Variants in COMMD10 observed in about 807,000 individuals in gnomAD.
The protein encoded by COMMD10 is COMM domain-containing protein 10.
In COMMD10, 33 loss-of-function variants were observed where a neutral mutation model predicts 28.9. That is an observed-to-expected ratio of 1.14 (90% CI 0.87 to 1.53). The LOEUF (loss-of-function observed/expected upper bound fraction) is 1.53. Ranked by LOEUF, COMMD10 falls within the 40% of genes most tolerant of loss-of-function variation. COMMD10 has a pLI of 0.00. For missense variants in COMMD10, 310 were observed against 233.4 expected, an observed-to-expected ratio of 1.33 and a Z score of -2.14; for synonymous variants, 110 against 81.7, an observed-to-expected ratio of 1.35 and a Z score of -1.87.
chr5:116,229,313 T>A (rs969194414), intron 5 of COMMD10, among the ~76,000 whole-genome samples: 1 of 151,980 alleles, frequency 6.6e-6, no homozygotes, highest in Non-Finnish European at 1.5e-5. Flanking sequence ...TCATATGTAA[T>A]AAAACCACTT....
intron 5 of COMMD10, among the ~76,000 whole-genome samples, chr5:116,275,402 T>C (rs1194207284): frequency 6.6e-6 from 1 of 151,864 alleles, no homozygotes; most frequent in African/African-American, 2.4e-5. Context: ...ATATCAGTTC[T>C]ACTAGGAATC....
chr5:116,114,166 T>A (rs1322533188), intron 4 of COMMD10, among the ~76,000 whole-genome samples: 3 of 152,162 alleles, frequency 2.0e-5, no homozygotes, highest in Admixed American at 2.0e-4. Context: ...GTTTCAGTGG[T>A]AGCAGTGGTT....
At chr5:116,111,871 G>C (rs568782102) in intron 4 of COMMD10, among the ~76,000 whole-genome samples, 291 of 152,230 alleles carry the variant, frequency 1.9e-3, no homozygotes, top group Non-Finnish European at 3.6e-3. Context: ...GTGAGATGGT[G>C]ACGTCCCCTA....
intron 4 of COMMD10, among the ~76,000 whole-genome samples, chr5:116,096,985 C>T (rs1580441181): frequency 6.6e-6 from 1 of 151,592 alleles, no homozygotes. Context: ...CCGTTTTTTT[C>T]CTTGCACTTT....
At chr5:116,120,507 T>G (rs749217179) in intron 4 of COMMD10, among the ~76,000 whole-genome samples, 28 of 151,928 alleles carry the variant, frequency 1.8e-4, no homozygotes, top group Non-Finnish European at 4.0e-4. Flanking sequence ...GAAATAAAAT[T>G]AAAAAAAATT....
chr5:116,189,731 T>TAA (rs10674672), intron 5 of COMMD10, among the ~76,000 whole-genome samples: 47,572 of 151,892 alleles, frequency 0.31, 10,319 homozygotes, highest in African/African-American at 0.62. Context: ...AAAGAGGAAA[T>TAA]AAGTTTATTT....
chr5:116,229,730 AATTT>A (rs1213636491), intron 5 of COMMD10, among the ~76,000 whole-genome samples: 3 of 152,018 alleles, frequency 2.0e-5, no homozygotes, highest in African/African-American at 7.2e-5. Flanking sequence ...ATACAAGCAC[AATTT>A]ATTTGTCCAG....
At chr5:116,218,373 G>T (rs1749159336) in intron 5 of COMMD10, 3 of 560,264 alleles carry the variant, frequency 5.4e-6, no homozygotes, top group African/African-American at 1.9e-5. Context: ...TGAGTCCAGG[G>T]GTCGTTCTTG....
At chr5:116,104,823 C>G (rs964436241) in intron 4 of COMMD10, among the ~76,000 whole-genome samples, 5 of 152,058 alleles carry the variant, frequency 3.3e-5, no homozygotes, top group Non-Finnish European at 5.9e-5. Context: ...GTTTCACTGT[C>G]TTAGCCAGGA....
intron 5 of COMMD10, among the ~76,000 whole-genome samples, chr5:116,165,520 G>T (rs1343887056): frequency 6.6e-6 from 1 of 151,952 alleles, no homozygotes; most frequent in Non-Finnish European, 1.5e-5. Flanking sequence ...GGCAAATTTG[G>T]TTTCTGGTGA....
At chr5:116,199,480 G>A (rs748455541) in intron 5 of COMMD10, among the ~76,000 whole-genome samples, 1 of 152,036 alleles carries the variant, frequency 6.6e-6, no homozygotes, top group Non-Finnish European at 1.5e-5. Context: ...AGTCCAGCTT[G>A]TCACTTCTTT....
intron 5 of COMMD10, among the ~76,000 whole-genome samples, chr5:116,228,589 G>C (rs1204339290): frequency 1.3e-5 from 2 of 151,906 alleles, no homozygotes; most frequent in African/African-American, 4.8e-5. Context: ...CAAAGTTTCA[G>C]TTAAACCTGA....
chr5:116,140,516 G>T (rs1259482508), intron 5 of COMMD10, among the ~76,000 whole-genome samples: 1 of 151,654 alleles, frequency 6.6e-6, no homozygotes, highest in Non-Finnish European at 1.5e-5. Flanking sequence ...GTCCTTAATG[G>T]CTATACCAAT....
At chr5:116,143,073 T>TG (rs1752243826) in intron 5 of COMMD10, among the ~76,000 whole-genome samples, 1 of 150,122 alleles carries the variant, frequency 6.7e-6, no homozygotes, top group Non-Finnish European at 1.5e-5. Flanking sequence ...TTTTTGGTTT[T>TG]TTTTTTTTTT....
At chr5:116,178,328 T>A (rs910376082) in intron 5 of COMMD10, among the ~76,000 whole-genome samples, 1 of 152,098 alleles carries the variant, frequency 6.6e-6, no homozygotes, top group African/African-American at 2.4e-5. Flanking sequence ...CTAGGTTCTT[T>A]CCCACTTCTT....
intron 5 of COMMD10, among the ~76,000 whole-genome samples, chr5:116,278,071 CAT>C (rs967004902): frequency 1.3e-4 from 20 of 151,864 alleles, no homozygotes; most frequent in East Asian, 5.8e-4. Flanking sequence ...GATAGTAACA[CAT>C]GTCTTGAGAA....
At chr5:116,255,182 C>T (rs1750246367) in intron 5 of COMMD10, among the ~76,000 whole-genome samples, 1 of 151,696 alleles carries the variant, frequency 6.6e-6, no homozygotes, top group Non-Finnish European at 1.5e-5. Context: ...TATTTTGAGC[C>T]TATGTGTGTC....
At position 116,142,560 on chromosome 5, in the gene COMMD10, C is replaced by G. The variant is rs540995552; in HGVS notation, c.510+8382C>G. 2.6e-5 allele frequency among the ~76,000 whole-genome samples: 4 copies of G among 151,732 alleles called. No individual in the cohort carries two copies. The East Asian group carries it at 7.8e-4, about 29-fold the overall frequency. ...ATTTTGGGGAATATACACAGAAACG[C>G]AAACGTTGCATTCAGAAGATTTCTT... On this transcript the variant is annotated intron_variant, in intron 5 of 6. Coordinates refer to ENST00000274458, the MANE Select transcript of COMMD10 (RefSeq NM_016144.4).
chr5:116,267,711 A>C (rs1455124567), intron 5 of COMMD10, among the ~76,000 whole-genome samples: 1 of 151,976 alleles, frequency 6.6e-6, no homozygotes, highest in Non-Finnish European at 1.5e-5. Flanking sequence ...CTACAAGGCT[A>C]CAGTAACCAA....
Sources: allele counts gnomAD v4.1 joint callset (sites outside exome capture counted in the v4.1 genomes callset), GRCh38; gene constraint gnomAD v4.1.1; transcripts MANE v1.5; gene names NCBI Gene and HGNC (gene_info 2026-07-23, HGNC 2026-07-21).